CCSER1: variants seen among roughly 807,000 people sequenced by gnomAD.
CCSER1 encodes serine-rich coiled-coil domain-containing protein 1.
A neutral mutation model predicts 82.0 loss-of-function variants in CCSER1; 41 were observed. That is an observed-to-expected ratio of 0.50 (90% confidence interval 0.39 to 0.65). The LOEUF is 0.65. Ranked by LOEUF, CCSER1 falls within the 30% of genes least tolerant of loss-of-function variation. CCSER1 has a pLI of 0.00. For synonymous variants in CCSER1, 414 were observed against 383.9 expected (o/e 1.08, Z -0.92); for missense variants, 1,119 against 1,064.2 (o/e 1.05, Z -0.72).
chr4:90,725,081 T>G (rs1425127778), intron 7 of CCSER1: 1 of 377,682 alleles, frequency 2.6e-6, no homozygotes, highest in Non-Finnish European at 5.3e-6. Flanking sequence ...ATTACATTAT[T>G]TATTGAAACA....
intron 7 of CCSER1, among the ~76,000 whole-genome samples, chr4:90,743,608 A>T (rs946437528): frequency 1.3e-5 from 2 of 152,220 alleles, no homozygotes; most frequent in East Asian, 1.9e-4. Context: ...TATTTAGACT[A>T]GTTAGGACCT....
intron 7 of CCSER1, among the ~76,000 whole-genome samples, chr4:90,756,183 G>A (rs772316538): frequency 9.2e-5 from 14 of 152,208 alleles, no homozygotes; most frequent in Non-Finnish European, 1.9e-4. Context: ...AGCTGAGATC[G>A]TTCTACTGCA....
chr4:90,178,591 G>A (rs527784092), intron 1 of CCSER1, among the ~76,000 whole-genome samples: 14 of 152,150 alleles, frequency 9.2e-5, no homozygotes, highest in South Asian at 4.1e-4. Context: ...GTTAATGAGC[G>A]TGCTGGTTGT....
intron 10 of CCSER1, among the ~76,000 whole-genome samples, chr4:91,596,248 TAAAGA>T (rs1764572032): frequency 6.6e-6 from 1 of 151,954 alleles, no homozygotes; most frequent in Non-Finnish European, 1.5e-5. Context: ...AATGATCACA[TAAAGA>T]AAACAATGAA....
chr4:91,020,766 T>C (rs994478429), intron 9 of CCSER1, among the ~76,000 whole-genome samples: 1 of 152,196 alleles, frequency 6.6e-6, no homozygotes, highest in African/African-American at 2.4e-5. Flanking sequence ...ATATACTTCA[T>C]CTTATGCTTA....
At chr4:90,382,129 A>G (rs1749298831) in intron 3 of CCSER1, among the ~76,000 whole-genome samples, 1 of 152,064 alleles carries the variant, frequency 6.6e-6, no homozygotes, top group Non-Finnish European at 1.5e-5. Flanking sequence ...CAGTGGGATA[A>G]ATTCATCTGA....
At chr4:91,191,053 G>A (rs1438062034) in intron 10 of CCSER1, among the ~76,000 whole-genome samples, 2 of 152,180 alleles carry the variant, frequency 1.3e-5, no homozygotes, top group Non-Finnish European at 2.9e-5. Flanking sequence ...AATTTGGATA[G>A]TATGTAATGT....
At chr4:91,232,514 G>A (rs17269464) in intron 10 of CCSER1, among the ~76,000 whole-genome samples, 9,433 of 151,700 alleles carry the variant, frequency 0.062, 429 homozygotes, top group Non-Finnish European at 0.093. Flanking sequence ...GTAAACAAAC[G>A]GAAATACAAC....
chr4:90,128,983 C>T (rs1249034746), intron 1 of CCSER1, among the ~76,000 whole-genome samples: 1 of 152,040 alleles, frequency 6.6e-6, no homozygotes, highest in East Asian at 1.9e-4. Flanking sequence ...GATTCTTTGC[C>T]CTTTAATGTT....
chr4:90,868,991 G>A (rs1240296835), intron 8 of CCSER1, among the ~76,000 whole-genome samples: 4 of 151,924 alleles, frequency 2.6e-5, no homozygotes, highest in African/African-American at 7.2e-5. Flanking sequence ...CCTGTTTGCT[G>A]TTTGTATGTC....
chr4:90,890,336 A>C (rs1473905119), intron 8 of CCSER1, among the ~76,000 whole-genome samples: 6 of 152,166 alleles, frequency 3.9e-5, no homozygotes, highest in Non-Finnish European at 8.8e-5. Context: ...CTAAACTCCT[A>C]TCCGGATAAA....
intron 10 of CCSER1, among the ~76,000 whole-genome samples, chr4:91,107,307 T>A (rs1305518238): frequency 2.6e-5 from 4 of 152,114 alleles, no homozygotes; most frequent in African/African-American, 7.2e-5. Context: ...CAGGCTGGAG[T>A]GCAGTGGCGT....
chr4:91,171,368 A>T (rs1160266395), intron 10 of CCSER1, among the ~76,000 whole-genome samples: 1 of 152,202 alleles, frequency 6.6e-6, no homozygotes, highest in African/African-American at 2.4e-5. Context: ...ATCAGCAGAC[A>T]TCTGTTTGCT....
At chr4:91,496,851 TC>T (rs1758940209) in intron 10 of CCSER1, among the ~76,000 whole-genome samples, 1 of 122,076 alleles carries the variant, frequency 8.2e-6, no homozygotes, top group Non-Finnish European at 1.7e-5. Context: ...ATATATATAT[TC>T]AAATATATAT....
intron 1 of CCSER1, among the ~76,000 whole-genome samples, chr4:90,164,997 A>C (rs1356778158): frequency 6.6e-6 from 1 of 152,060 alleles, no homozygotes; most frequent in Non-Finnish European, 1.5e-5. Context: ...AGACATATAG[A>C]TATTTCATGA....
intron 5 of CCSER1, among the ~76,000 whole-genome samples, chr4:90,536,876 A>C (rs139233069): frequency 5.3e-4 from 81 of 152,366 alleles, no homozygotes; most frequent in African/African-American, 1.9e-3. Flanking sequence ...TGATGAAAAC[A>C]GAATTTCCAA....
intron 4 of CCSER1, among the ~76,000 whole-genome samples, chr4:90,418,593 T>C (rs1578379601): frequency 6.6e-6 from 1 of 152,020 alleles, no homozygotes; most frequent in Non-Finnish European, 1.5e-5. Flanking sequence ...GGAATAAATA[T>C]CCCAGCTAGA....
chr4:90,191,082 G>A lies in CCSER1; in HGVS notation c.-42+63251G>A, dbSNP rs541584285. 2.0e-4 allele frequency among the ~76,000 whole-genome samples: 30 copies of A among 151,960 alleles called. No homozygotes were observed. The South Asian group carries it at 6.0e-3, about 30-fold the overall frequency. ...CCTTATAACTTCTTGTTTCTCTTTG[G>A]ACTAGCTTGATTGAGTGATTATTTC... On this transcript the variant is annotated intron_variant, in intron 1 of 10. Coordinates refer to ENST00000509176, the MANE Select transcript of CCSER1 (RefSeq NM_001145065.2).
At chr4:90,832,531 G>T (rs534544334) in intron 8 of CCSER1, among the ~76,000 whole-genome samples, 8 of 151,908 alleles carry the variant, frequency 5.3e-5, no homozygotes, top group African/African-American at 1.9e-4. Flanking sequence ...CTGAACTAAG[G>T]TTACCAATGT....
Sources: gnomAD v4.1 joint callset for allele counts (sites outside exome capture counted in the v4.1 genomes callset) on GRCh38, gnomAD v4.1.1 for gene constraint, MANE v1.5 for transcripts, NCBI Gene and HGNC (gene_info 2026-07-23, HGNC 2026-07-21) for gene names.